Variants in PRELID2 observed in about 807,000 individuals in gnomAD.
PRELID2 encodes the protein PRELI domain-containing protein 2.
In PRELID2, 25 loss-of-function variants were observed where a neutral mutation model predicts 28.4. That is an observed-to-expected ratio of 0.88 (90% CI 0.64 to 1.23). The LOEUF (loss-of-function observed/expected upper bound fraction) is 1.23, where lower values mean the gene tolerates loss of function less well. Ranked by LOEUF, PRELID2 falls within the 50% of genes most tolerant of loss-of-function variation. The probability of loss-of-function intolerance (pLI) is 0.00; values close to 1 mark genes in which losing one functional copy is unlikely to be tolerated. For missense variants in PRELID2, 201 were observed against 214.4 expected (o/e 0.94, Z 0.39); for synonymous variants, 76 against 71.6 (o/e 1.06, Z -0.31).
chr5:145,383,831 T>C, the PRELID2 span, among the ~76,000 whole-genome samples: 1 of 151,416 alleles, frequency 6.6e-6, no homozygotes, highest in Non-Finnish European at 1.5e-5. Flanking sequence ...CACATGCACA[T>C]ACACACACAC....
At chr5:145,569,251 T>C (rs1223276110) in intron 1 of PRELID2, among the ~76,000 whole-genome samples, 2 of 152,234 alleles carry the variant, frequency 1.3e-5, no homozygotes, top group Non-Finnish European at 2.9e-5. Flanking sequence ...ACAGATGAAT[T>C]AATAAAGAAG....
chr5:145,398,057 C>A, the PRELID2 span, among the ~76,000 whole-genome samples: 1 of 152,006 alleles, frequency 6.6e-6, no homozygotes, highest in Admixed American at 6.6e-5. Context: ...TACTTAAATC[C>A]CCATGGCCTC....
intron 1 of PRELID2, among the ~76,000 whole-genome samples, chr5:145,516,104 C>T (rs564593870): frequency 1.3e-5 from 2 of 152,274 alleles, no homozygotes; most frequent in Admixed American, 6.5e-5. Context: ...CCTCTCTCAC[C>T]ACTCCTATTC....
At chr5:145,322,064 C>T in the PRELID2 span, among the ~76,000 whole-genome samples, 1 of 152,158 alleles carries the variant, frequency 6.6e-6, no homozygotes, top group Non-Finnish European at 1.5e-5. Flanking sequence ...TCTTGGCATG[C>T]TCTTTTTCAC....
At chr5:145,387,986 T>C in the PRELID2 span, among the ~76,000 whole-genome samples, 1 of 147,422 alleles carries the variant, frequency 6.8e-6, no homozygotes, top group Admixed American at 6.7e-5. Context: ...AGTGGCAAAG[T>C]ACTCTGTTAA....
At chr5:145,714,296 C>A (rs747684435) in intron 1 of PRELID2, among the ~76,000 whole-genome samples, 4 of 151,974 alleles carry the variant, frequency 2.6e-5, no homozygotes, top group Non-Finnish European at 5.9e-5. Flanking sequence ...ACTTCATGAC[C>A]GAGATTTAAC....
At chr5:145,750,897 T>G (rs1425659526) in intron 1 of PRELID2, among the ~76,000 whole-genome samples, 1 of 152,192 alleles carries the variant, frequency 6.6e-6, no homozygotes, top group African/African-American at 2.4e-5. Context: ...ACTTTACCCC[T>G]TCAAGACTAA....
intron 1 of PRELID2, among the ~76,000 whole-genome samples, chr5:145,589,594 C>A (rs760195643): frequency 2.4e-4 from 37 of 151,736 alleles, no homozygotes; most frequent in Non-Finnish European, 4.0e-4. Context: ...TGCATTTATT[C>A]TTATGTGAAT....
At chr5:145,783,378 A>G (rs1397411565) in intron 5 of PRELID2, among the ~76,000 whole-genome samples, 2 of 152,208 alleles carry the variant, frequency 1.3e-5, no homozygotes, top group African/African-American at 4.8e-5. Context: ...CATTTCCACA[A>G]AGCTGTTTTC....
the PRELID2 span, among the ~76,000 whole-genome samples, chr5:145,454,407 A>G: frequency 6.6e-6 from 1 of 152,180 alleles, no homozygotes; most frequent in East Asian, 1.9e-4. Flanking sequence ...CCTATTCAAC[A>G]TAGTGTTGGA....
chr5:145,803,698 G>C (rs1303130412), intron 4 of PRELID2, among the ~76,000 whole-genome samples: 1 of 143,032 alleles, frequency 7.0e-6, no homozygotes. Context: ...TAATTATGCT[G>C]TTCTACTACA....
At chr5:145,807,861 G>C (rs1055502472) in intron 4 of PRELID2, among the ~76,000 whole-genome samples, 1 of 152,152 alleles carries the variant, frequency 6.6e-6, no homozygotes, top group Non-Finnish European at 1.5e-5. Context: ...GTGGTAAACT[G>C]TGACCTCAGT....
At chr5:145,674,425 C>A (rs1187194959) in intron 1 of PRELID2, among the ~76,000 whole-genome samples, 1 of 151,078 alleles carries the variant, frequency 6.6e-6, no homozygotes, top group Non-Finnish European at 1.5e-5. Context: ...AATAGAAAAT[C>A]CAGAAATAGA....
the PRELID2 span, among the ~76,000 whole-genome samples, chr5:145,293,447 C>A: frequency 6.6e-6 from 1 of 152,050 alleles, no homozygotes; most frequent in African/African-American, 2.4e-5. Context: ...GCTACATATG[C>A]TGTTCCTTTT....
chr5:145,628,111 A>G (rs1324950164), intron 1 of PRELID2, among the ~76,000 whole-genome samples: 8 of 152,164 alleles, frequency 5.3e-5, no homozygotes, highest in Admixed American at 2.0e-4. Flanking sequence ...ATTGTATTTT[A>G]CACAGAACTG....
chr5:145,588,003 T>C (rs1008264274), intron 1 of PRELID2, among the ~76,000 whole-genome samples: 2 of 152,130 alleles, frequency 1.3e-5, no homozygotes, highest in Non-Finnish European at 2.9e-5. Flanking sequence ...TTTGCCTGCT[T>C]ACTAGGATTT....
chr5:145,511,989 T>TA (rs1752465160), intron 1 of PRELID2, among the ~76,000 whole-genome samples: 1 of 152,050 alleles, frequency 6.6e-6, no homozygotes, highest in Non-Finnish European at 1.5e-5. Context: ...TATTTTGTGG[T>TA]AAAAAATCAT....
At chr5:145,373,010 T>TG in the PRELID2 span, among the ~76,000 whole-genome samples, 2 of 119,148 alleles carry the variant, frequency 1.7e-5, no homozygotes, top group East Asian at 2.4e-4. Context: ...ATATATAATA[T>TG]ATATATTATA....
rs1757343422 is a variant in PRELID2 at position 145,758,905 on chromosome 5, T to C, written c.*1631A>G. On this transcript the variant is annotated 3_prime_UTR_variant, in exon 7 of 7. Transcript: ENST00000683046. ...GGCAGGCTTGTATGAAAAAATACAATTGCTTTGAAATTCATCAATGGATTA... is the reference window on the plus strand; with the variant it reads ...GGCAGGCTTGTATGAAAAAATACAACTGCTTTGAAATTCATCAATGGATTA... 1 of 151,712 alleles carries C rather than the reference T, an allele frequency of 6.6e-6. No homozygotes were observed. The allele number at this position is 151,712 out of a possible 1,614,324, so 9.4% of individuals were successfully genotyped here. A position where few individuals can be genotyped will look rare whatever the true frequency, so the allele number is the denominator to read the frequency against.
Sources: gnomAD v4.1 joint callset for allele counts (sites outside exome capture counted in the v4.1 genomes callset) on GRCh38, gnomAD v4.1.1 for gene constraint, MANE v1.5 for transcripts, NCBI Gene and HGNC (gene_info 2026-07-23, HGNC 2026-07-21) for gene names.